The following TENM2 variants were observed in gnomAD, a reference collection of about 807,000 sequenced individuals.
The protein encoded by TENM2 is teneurin-2.
Under a neutral mutation model 245.2 loss-of-function variants are expected in TENM2, and 52 were observed. That is an observed-to-expected ratio of 0.21 (90% confidence interval 0.17 to 0.27). TENM2 has a LOEUF of 0.27. TENM2 is among the 10% of genes least tolerant of loss of function. TENM2 has a pLI of 1.00. For synonymous variants in TENM2, 1,363 were observed against 1,438.9 expected (o/e 0.95, Z 1.19); for missense variants, 3,046 against 3,666.8 (o/e 0.83, Z 4.37).
rs781519332 is a variant in TENM2 at position 167,952,620 on chromosome 5, A to G, written c.745A>G (p.Arg249Gly). ...GAACCACCACAGCCAGTCGACTCTG[A>G]GGCCCCCTCTCCCACCCCCTCACAA... The change falls in exon 4 of 29, where the codon AGG (arginine) becomes GGG (glycine). Residue 249 changes from arginine (R) to glycine (G), a missense_variant. Arg to Gly is a moderately radical substitution (Grantham distance 125). Coordinates refer to ENST00000518659, the Ensembl canonical transcript of TENM2. 20 of 1,612,042 alleles carry G rather than the reference A, an allele frequency of 1.2e-5. No individual in the cohort carries two copies. The South Asian group carries it at 2.0e-4, about 16-fold the overall frequency.
intron 2 of TENM2, among the ~76,000 whole-genome samples, chr5:167,726,461 CTTAT>C (rs1561710702): frequency 1.3e-5 from 2 of 151,950 alleles, no homozygotes; most frequent in African/African-American, 2.4e-5. Context: ...TATTTATTTA[CTTAT>C]TTATTATTTT....
chr5:168,093,594 C>T (rs746772589), intron 8 of TENM2, among the ~76,000 whole-genome samples: 1 of 152,126 alleles, frequency 6.6e-6, no homozygotes, highest in Admixed American at 6.6e-5. Context: ...TCAGGGAAGT[C>T]TTTTGATGTG....
At chr5:167,096,286 C>A in the TENM2 span, among the ~76,000 whole-genome samples, 1 of 152,158 alleles carries the variant, frequency 6.6e-6, no homozygotes, top group Non-Finnish European at 1.5e-5. Flanking sequence ...CTACTCTTGG[C>A]AATTTTGAAA....
intron 7 of TENM2, among the ~76,000 whole-genome samples, chr5:168,074,647 C>T (rs1791306283): frequency 6.6e-6 from 1 of 152,130 alleles, no homozygotes; most frequent in East Asian, 1.9e-4. Context: ...TCTGGTTAAC[C>T]ACCAGTCTCC....
At chr5:168,090,912 C>T (rs551504547) in intron 8 of TENM2, 143 bp downstream of exon 10, 1 of 685,968 alleles carries the variant, frequency 1.5e-6, no homozygotes, top group Non-Finnish European at 2.5e-6. Flanking sequence ...CTTATAGTGT[C>T]ACCCACCTGA....
chr5:166,980,577 T>C, the TENM2 span, among the ~76,000 whole-genome samples: 1 of 152,208 alleles, frequency 6.6e-6, no homozygotes, highest in Admixed American at 6.5e-5. Context: ...TTTGTTTTGC[T>C]TTTTTCCTCT....
chr5:168,095,370 C>T (rs1421122062), intron 8 of TENM2, among the ~76,000 whole-genome samples: 7 of 152,144 alleles, frequency 4.6e-5, no homozygotes, highest in Non-Finnish European at 8.8e-5. Flanking sequence ...CTTTCCCACC[C>T]CAGAGCCTTT....
chr5:168,194,777 C>T (rs1214779861), intron 14 of TENM2, among the ~76,000 whole-genome samples: 3 of 152,042 alleles, frequency 2.0e-5, no homozygotes, highest in African/African-American at 7.2e-5. Context: ...AGTAACATGG[C>T]CATCCTCCAA....
chr5:167,821,726 A>G (rs1019351618), intron 2 of TENM2, among the ~76,000 whole-genome samples: 1 of 152,160 alleles, frequency 6.6e-6, no homozygotes, highest in African/African-American at 2.4e-5. Flanking sequence ...ATTGCTATAA[A>G]TGTATTATTA....
the TENM2 span, among the ~76,000 whole-genome samples, chr5:167,083,464 G>A: frequency 7.2e-5 from 11 of 152,236 alleles, no homozygotes; most frequent in Admixed American, 5.2e-4. Flanking sequence ...CCTTCACTGA[G>A]CTTGTTTTAG....
intron 6 of TENM2, among the ~76,000 whole-genome samples, chr5:168,052,119 C>T (rs1346140033): frequency 6.6e-6 from 1 of 151,624 alleles, no homozygotes; most frequent in Admixed American, 6.6e-5. Flanking sequence ...AAAAATAGGC[C>T]AGGTGCAGTG....
intron 2 of TENM2, among the ~76,000 whole-genome samples, chr5:167,651,218 G>A (rs924030279): frequency 6.6e-6 from 1 of 151,798 alleles, no homozygotes; most frequent in Non-Finnish European, 1.5e-5. Context: ...TATATGTCAC[G>A]GCTAGGCAAA....
chr5:167,937,555 C>T (rs1222294460), intron 3 of TENM2, among the ~76,000 whole-genome samples: 2 of 152,022 alleles, frequency 1.3e-5, no homozygotes, highest in African/African-American at 2.4e-5. Flanking sequence ...GTATTTCTAG[C>T]GTGATACTGT....
At chr5:167,890,522 A>T (rs528947140) in intron 3 of TENM2, among the ~76,000 whole-genome samples, 2 of 152,246 alleles carry the variant, frequency 1.3e-5, no homozygotes, top group South Asian at 2.1e-4. Flanking sequence ...TATTATTTTT[A>T]AAATTATGCT....
chr5:167,760,640 CTTG>C (rs1217483701), intron 2 of TENM2, among the ~76,000 whole-genome samples: 2 of 152,026 alleles, frequency 1.3e-5, no homozygotes, highest in Admixed American at 1.3e-4. Flanking sequence ...AAGCAGCTGC[CTTG>C]TTATTGTTGT....
chr5:168,249,453 GGTGT>G lies in TENM2; in HGVS notation c.7432+1108_7432+1111del, dbSNP rs3084277. 7.8e-3 allele frequency among the ~76,000 whole-genome samples: 1,159 copies of G among 148,906 alleles called. 8 individuals carry two copies. The highest frequency in any genetic ancestry group is 0.012 in the African/African-American group (472 of 39,834). ...AATAAGACAAATACCGTTCTCTCAA[GGTGT>G]GTGTGTGTGTGTGTGTGTGTGTGTG... On this transcript the variant is annotated intron_variant, in intron 27 of 28. Transcript: ENST00000518659.
intron 15 of TENM2, among the ~76,000 whole-genome samples, chr5:168,197,304 G>T (rs562786145): frequency 6.6e-6 from 1 of 152,126 alleles, no homozygotes; most frequent in Non-Finnish European, 1.5e-5. Flanking sequence ...TGAAACCAGC[G>T]AGTCAAGTAT....
At chr5:168,097,940 C>A in intron 8 of TENM2, 86 bp from the exon 11 acceptor site, 1 of 939,652 alleles carries the variant, frequency 1.1e-6, no homozygotes, top group Non-Finnish European at 1.7e-6. Context: ...TACCACTGGT[C>A]TTTAAAAGTG....
At chr5:168,232,634 G>A (rs1295378511) in intron 25 of TENM2, among the ~76,000 whole-genome samples, 1 of 152,126 alleles carries the variant, frequency 6.6e-6, no homozygotes, top group African/African-American at 2.4e-5. Flanking sequence ...GGGTGTGAGG[G>A]CCCAAGGCTC....
Sources: allele counts gnomAD v4.1 joint callset (sites outside exome capture counted in the v4.1 genomes callset), GRCh38; gene constraint gnomAD v4.1.1; transcripts MANE v1.5; gene names NCBI Gene and HGNC (gene_info 2026-07-23, HGNC 2026-07-21).